SFXN5: variants seen among roughly 807,000 people sequenced by gnomAD.
SFXN5 encodes the protein sideroflexin 5, also known as sideroflexin-5.
In SFXN5, 43 loss-of-function variants were observed where a neutral mutation model predicts 50.2. The ratio of observed to expected loss-of-function variants is 0.86; its 90% CI spans 0.67 to 1.11. The LOEUF is 1.11. SFXN5 is among the 50% of genes least tolerant of loss of function. The pLI is 0.00. For synonymous variants in SFXN5, 203 were observed against 185.8 expected (o/e 1.09, Z -0.75); for missense variants, 463 against 454.1 (o/e 1.02, Z -0.18).
In SFXN5 at chr2:72,992,697, C is replaced by T. The variant is rs1435085557; in HGVS notation, c.535-4349G>A. ...CTGTTTGCTCTCCCTGCTCCCAACA[C>T]TCAGCACGCAGCCTCTGTCCCTGGA... is the stretch of plus-strand genomic sequence containing the variant. On this transcript the variant is annotated intron_variant, in intron 9 of 13. Transcript: ENST00000272433. The surrounding 1 kb of genome is among the most constrained non-coding windows in gnomAD (Gnocchi z 4.5). Among the ~76,000 whole-genome samples the T allele has an allele frequency of 2.0e-5, 3 of 152,380 alleles. No individual in the cohort carries two copies. The highest frequency in any genetic ancestry group is 1.9e-4 in the East Asian group (1 of 5,184).
intron 2 of SFXN5, chr2:73,049,679 T>C (rs924439509): frequency 6.6e-6 from 1 of 152,242 alleles, no homozygotes; most frequent in Non-Finnish European, 1.5e-5. Context: ...ACCTGAATTT[T>C]GTATGGGACA....
chr2:73,051,479 A>G (rs1432745119), intron 2 of SFXN5, among the ~76,000 whole-genome samples: 1 of 151,986 alleles, frequency 6.6e-6, no homozygotes, highest in Non-Finnish European at 1.5e-5. Context: ...GCTGGTCTTG[A>G]ACTCCTGACC....
chr2:72,968,625 C>A lies in SFXN5; in HGVS notation c.742-92G>T, dbSNP rs961794429. The A allele has an allele frequency of 1.5e-5, 18 of 1,183,208 alleles. No individual in the cohort carries two copies. In the African/African-American group the frequency reaches 2.0e-4, roughly 13 times the overall value. 73.3% of individuals were successfully genotyped at this position (1,183,208 alleles called of 1,614,324 possible). On this transcript the variant is annotated intron_variant, in intron 11 of 13. Transcript: ENST00000272433. ...GAGCCCTAGGTGTGTGCCACCACAA[C>A]GCATGTGTGTCTGAATGGCCTTATT...
chr2:73,032,593 C>A (rs1009101458), intron 3 of SFXN5, among the ~76,000 whole-genome samples: 2 of 152,206 alleles, frequency 1.3e-5, no homozygotes, highest in African/African-American at 2.4e-5. Flanking sequence ...CACCAACTGG[C>A]CTTCTCGGGC....
At chr2:72,976,984 G>T (rs1305922070) in intron 10 of SFXN5, among the ~76,000 whole-genome samples, 1 of 152,182 alleles carries the variant, frequency 6.6e-6, no homozygotes, top group Non-Finnish European at 1.5e-5. Flanking sequence ...CAAACTAATA[G>T]TAATAATCCT....
intron 6 of SFXN5, among the ~76,000 whole-genome samples, chr2:73,007,419 C>T (rs1352139093): frequency 2.0e-5 from 3 of 152,022 alleles, no homozygotes; most frequent in African/African-American, 7.3e-5. Context: ...TAATCCCTCC[C>T]TCCTCATCCT....
intron 9 of SFXN5, among the ~76,000 whole-genome samples, chr2:72,990,443 C>G (rs1208095586): frequency 6.6e-6 from 1 of 152,066 alleles, no homozygotes; most frequent in Non-Finnish European, 1.5e-5. Context: ...GCCTCCCTCA[C>G]CCCCAAAAAA....
rs1389970738 is a variant in SFXN5 at position 72,943,700 on chromosome 2, T to C, written c.*1322A>G. ...GCAAAGGTCAACTGCTCCCGGGATA[T>C]GGAGTCACATACACAAGGCAAGGCC... On this transcript the variant is annotated 3_prime_UTR_variant, in exon 14 of 14. Transcript: ENST00000272433. 1 of 152,788 alleles carries C rather than the reference T, an allele frequency of 6.5e-6. No homozygotes were observed. The highest frequency in any genetic ancestry group is 2.4e-5 in the African/African-American group (1 of 41,458). The allele number at this position is 152,788 out of a possible 1,614,324, so 9.5% of individuals were successfully genotyped here. A position where few individuals can be genotyped will look rare whatever the true frequency, so the allele number is the denominator to read the frequency against.
intron 6 of SFXN5, among the ~76,000 whole-genome samples, chr2:73,009,595 T>C (rs1263769118): frequency 1.3e-5 from 2 of 152,200 alleles, no homozygotes; most frequent in African/African-American, 2.4e-5. Context: ...TCCCAGGCCA[T>C]GCTCCCCATT....
At chr2:73,000,666 T>C (rs951252552) in intron 7 of SFXN5, among the ~76,000 whole-genome samples, 179 bp from the exon 8 acceptor site, 1 of 152,134 alleles carries the variant, frequency 6.6e-6, no homozygotes, top group African/African-American at 2.4e-5. Context: ...AGGGCTGTGC[T>C]GGTGTTAGCA....
rs1204218955 is a variant in SFXN5 at position 72,945,768 on chromosome 2, T to C, written c.946-669A>G. Among the ~76,000 whole-genome samples the C allele has an allele frequency of 1.3e-5, 2 of 151,986 alleles. No individual in the cohort carries two copies. Among genetic ancestry groups the C allele is most frequent in the Non-Finnish European group, 2.9e-5 (2 of 67,986 alleles). On this transcript the variant is annotated intron_variant, in intron 13 of 13. Coordinates refer to ENST00000272433, the MANE Select transcript of SFXN5 (RefSeq NM_144579.3). This position sits in a 1 kb window ranked among gnomAD's most constrained non-coding sequence, Gnocchi z 5.8. ...CTCCTACTTGAACCTGACCATGTAA[T>C]GGAGACCCTCAAAATTCCCTGTCCT...
rs538832995 is a variant in SFXN5 at position 72,954,574 on chromosome 2, C to T, written c.945+6557G>A. Reference sequence around the variant, plus strand: ...TCATAGCCGCCAGCCCCTACAAGGGCGCCCCAGGGCCCTCTCCCCTGCCCG... The same window carrying T: ...TCATAGCCGCCAGCCCCTACAAGGGTGCCCCAGGGCCCTCTCCCCTGCCCG... On this transcript the variant is annotated intron_variant, in intron 13 of 13. Transcript: ENST00000272433. Among the ~76,000 whole-genome samples the T allele has an allele frequency of 1.6e-4, 25 of 152,280 alleles. No homozygotes were observed. In the East Asian group the frequency reaches 2.7e-3, roughly 16 times the overall value.
intron 6 of SFXN5, among the ~76,000 whole-genome samples, chr2:73,004,035 A>ATTACTT (rs769274920): frequency 4.3e-4 from 65 of 152,220 alleles, no homozygotes; most frequent in Non-Finnish European, 8.7e-4. Flanking sequence ...CAAAGCAGAG[A>ATTACTT]TTACTTTTGA....
At chr2:73,055,530 G>A (rs577557439) in intron 2 of SFXN5, among the ~76,000 whole-genome samples, 20 of 152,084 alleles carry the variant, frequency 1.3e-4, no homozygotes, top group African/African-American at 4.8e-4. Flanking sequence ...GGCCGGGCAC[G>A]GTGACTCCCG....
intron 3 of SFXN5, among the ~76,000 whole-genome samples, chr2:73,033,912 G>T (rs1472838975): frequency 6.6e-6 from 1 of 152,162 alleles, no homozygotes; most frequent in Non-Finnish European, 1.5e-5. Flanking sequence ...TCACAGCCAG[G>T]CAGGTTGCTA....
chr2:72,965,692 G>A (rs1185172781), intron 12 of SFXN5, among the ~76,000 whole-genome samples: 1 of 152,094 alleles, frequency 6.6e-6, no homozygotes, highest in Non-Finnish European at 1.5e-5. Context: ...CCTTTGAGGG[G>A]GACAAGGAAA....
chr2:72,980,225 A>T (rs908249078), intron 10 of SFXN5, among the ~76,000 whole-genome samples: 1 of 152,122 alleles, frequency 6.6e-6, no homozygotes, highest in Non-Finnish European at 1.5e-5. Context: ...AATAATAAAA[A>T]GTAAGTCTCC....
At chr2:73,023,161 G>A (rs1487396310) in intron 4 of SFXN5, 27 bp downstream of exon 4, 4 of 1,598,372 alleles carry the variant, frequency 2.5e-6, no homozygotes, top group African/African-American at 1.3e-5. Context: ...CACGGAGAAG[G>A]AAATAGAGAA....
chr2:73,066,652 T>A (rs967041714), intron 1 of SFXN5, among the ~76,000 whole-genome samples: 8 of 151,354 alleles, frequency 5.3e-5, no homozygotes, highest in Non-Finnish European at 1.2e-4. Context: ...CAACTACAAA[T>A]AAATTAAGTG....
Sources: gnomAD v4.1 joint callset for allele counts (sites outside exome capture counted in the v4.1 genomes callset) on GRCh38, gnomAD v4.1.1 for gene constraint, Gnocchi (gnomAD v3.1) non-coding constraint, MANE v1.5 for transcripts, NCBI Gene and HGNC (gene_info 2026-07-23, HGNC 2026-07-21) for gene names.